Variants in SAV1 observed in about 807,000 individuals in gnomAD.
SAV1 encodes protein salvador homolog 1.
A neutral mutation model predicts 47.3 loss-of-function variants in SAV1; 23 were observed. The observed-to-expected ratio is 0.49, with a 90% confidence interval of 0.35 to 0.69. SAV1 has a LOEUF of 0.69. Ranked by LOEUF, SAV1 falls within the 30% of genes least tolerant of loss-of-function variation. The pLI is 0.01. For missense variants in SAV1, 448 were observed against 457.4 expected, an observed-to-expected ratio of 0.98 and a Z score of 0.19; for synonymous variants, 155 against 159.2, an observed-to-expected ratio of 0.97 and a Z score of 0.20.
chr14:50,659,390 G>A (rs573441411), intron 2 of SAV1, among the ~76,000 whole-genome samples: 1 of 152,080 alleles, frequency 6.6e-6, no homozygotes, highest in Non-Finnish European at 1.5e-5. Flanking sequence ...TTAAAATTAC[G>A]GTAGGGGCCC....
At chr14:50,651,301 ATGTAATT>A (rs1293589386) in intron 2 of SAV1, among the ~76,000 whole-genome samples, 3 of 152,264 alleles carry the variant, frequency 2.0e-5, no homozygotes, top group Non-Finnish European at 4.4e-5. Flanking sequence ...TTACATATAT[ATGTAATT>A]TGTATCTATT....
intron 3 of SAV1, among the ~76,000 whole-genome samples, chr14:50,644,079 C>G (rs937894815): frequency 7.9e-5 from 12 of 152,170 alleles, no homozygotes; most frequent in African/African-American, 2.4e-4. Flanking sequence ...ACTTTGAAAT[C>G]CAGTGTGTAT....
At position 50,644,889 on chromosome 14, in the gene SAV1, T is replaced by C. The variant is rs768687750; in HGVS notation, c.661A>G (p.Asn221Asp). ...TGGCTCCAGTGAGTTGTATTTGTGTTATGATCTATATAATATTTTCTCCCT... is the reference window on the plus strand; with the variant it reads ...TGGCTCCAGTGAGTTGTATTTGTGTCATGATCTATATAATATTTTCTCCCT... ...MRGRKYYIDHNTNTTHWSHPL... is the reference protein window; with the variant it reads ...MRGRKYYIDHDTNTTHWSHPL... Residue 221 changes from asparagine (N) to aspartate (D), a missense_variant, in exon 3 of 5, where the codon AAC becomes GAC. Physicochemically the swap from Asn to Asp is conservative, Grantham distance 23 (BLOSUM62 1). Transcript: ENST00000324679. The C allele has an allele frequency of 6.2e-7, 1 of 1,614,146 alleles. No homozygotes were observed. Among genetic ancestry groups the C allele is most frequent in the South Asian group, 1.1e-5 (1 of 91,082 alleles).
At chr14:50,643,857 C>T (rs1455214236) in intron 3 of SAV1, among the ~76,000 whole-genome samples, 1 of 152,180 alleles carries the variant, frequency 6.6e-6, no homozygotes, top group African/African-American at 2.4e-5. Flanking sequence ...TCCTAAAACA[C>T]ATTTTCATAA....
intron 2 of SAV1, among the ~76,000 whole-genome samples, chr14:50,661,689 T>C (rs2039861480): frequency 1.3e-5 from 2 of 152,246 alleles, no homozygotes; most frequent in Admixed American, 6.5e-5. Flanking sequence ...TTGAAGAAAG[T>C]GTCCTTTTCC....
At chr14:50,657,055 C>T (rs1235782985) in intron 2 of SAV1, among the ~76,000 whole-genome samples, 1 of 136,338 alleles carries the variant, frequency 7.3e-6, no homozygotes, top group Non-Finnish European at 1.5e-5. Flanking sequence ...GAGACGGAGT[C>T]TCACGCTGTC....
intron 2 of SAV1, among the ~76,000 whole-genome samples, chr14:50,656,068 C>T (rs1054772138): frequency 2.0e-5 from 3 of 152,078 alleles, no homozygotes; most frequent in Non-Finnish European, 4.4e-5. Flanking sequence ...AAAAACTATA[C>T]AGGTTTAGAG....
intron 2 of SAV1, among the ~76,000 whole-genome samples, chr14:50,659,800 T>C (rs2039843471): frequency 6.6e-6 from 1 of 152,176 alleles, no homozygotes; most frequent in East Asian, 1.9e-4. Context: ...GCTGTGATCA[T>C]GCTACTGCAC....
intron 3 of SAV1, 76 bp downstream of exon 3, chr14:50,644,668 A>G: frequency 7.4e-7 from 1 of 1,348,968 alleles, no homozygotes; most frequent in Non-Finnish European, 1.0e-6. Flanking sequence ...CTATTCTCTT[A>G]GATGAAAATA....
chr14:50,666,476 CATATT>C (rs1469725655), intron 1 of SAV1, among the ~76,000 whole-genome samples: 1 of 152,118 alleles, frequency 6.6e-6, no homozygotes, highest in Non-Finnish European at 1.5e-5. Context: ...TGGAGACACT[CATATT>C]AATAAGCTTC....
intron 4 of SAV1, among the ~76,000 whole-genome samples, chr14:50,636,892 G>A (rs1261981140): frequency 1.3e-5 from 2 of 152,108 alleles, no homozygotes; most frequent in Non-Finnish European, 2.9e-5. Flanking sequence ...ATAATAGGAA[G>A]CTTTGATTGC....
chr14:50,649,414 T>G (rs2039749171), intron 2 of SAV1, among the ~76,000 whole-genome samples: 1 of 152,228 alleles, frequency 6.6e-6, no homozygotes, highest in Non-Finnish European at 1.5e-5. Context: ...ACATAGTAAG[T>G]GTTAAATAAA....
At chr14:50,644,686 A>G (rs751297344) in intron 3 of SAV1, 58 bp downstream of exon 3, 24 of 1,511,362 alleles carry the variant, frequency 1.6e-5, no homozygotes, top group Non-Finnish European at 2.0e-5. Context: ...ATATCAGTTC[A>G]AAACCTAACA....
intron 3 of SAV1, among the ~76,000 whole-genome samples, chr14:50,641,667 T>C (rs2039681830): frequency 6.6e-6 from 1 of 152,136 alleles, no homozygotes; most frequent in Admixed American, 6.5e-5. Context: ...ATAAATACCA[T>C]TCCACATCAA....
intron 2 of SAV1, chr14:50,662,603 TAA>T (rs1432667836): frequency 1.3e-5 from 2 of 152,274 alleles, no homozygotes; most frequent in African/African-American, 2.4e-5. Context: ...AAATTGCTCC[TAA>T]GAGAGGATCA....
intron 1 of SAV1, among the ~76,000 whole-genome samples, chr14:50,666,960 CT>C (rs1566749797): frequency 6.6e-6 from 1 of 152,100 alleles, no homozygotes; most frequent in Non-Finnish European, 1.5e-5. Flanking sequence ...AGAAACCTAA[CT>C]TTCCCAATTA....
intron 2 of SAV1, among the ~76,000 whole-genome samples, chr14:50,656,440 A>AT (rs11288683): frequency 0.19 from 22,480 of 120,610 alleles, 2,426 homozygotes; most frequent in African/African-American, 0.29. Context: ...CCCCAACTGT[A>AT]TTTTTTTTTT....
At chr14:50,652,438 C>A (rs899992022) in intron 2 of SAV1, among the ~76,000 whole-genome samples, 4 of 152,152 alleles carry the variant, frequency 2.6e-5, no homozygotes, top group Admixed American at 2.6e-4. Flanking sequence ...ATTTCCCCAT[C>A]GAAAGGAACC....
intron 3 of SAV1, 143 bp downstream of exon 3, chr14:50,644,601 C>T (rs1055666401): frequency 2.8e-6 from 2 of 719,160 alleles, no homozygotes; most frequent in African/African-American, 3.5e-5. Flanking sequence ...AAATGTATGT[C>T]CAGAGAAAAA....
Sources: gnomAD v4.1 joint callset for allele counts (sites outside exome capture counted in the v4.1 genomes callset) on GRCh38, gnomAD v4.1.1 for gene constraint, MANE v1.5 for transcripts, NCBI Gene and HGNC (gene_info 2026-07-23, HGNC 2026-07-21) for gene names.